Variants in SYTL3 observed in about 807,000 individuals in gnomAD.
SYTL3 encodes synaptotagmin-like protein 3.
SYTL3 carries 88 observed loss-of-function variants against 82.1 expected under a neutral mutation model. The ratio of observed to expected loss-of-function variants is 1.07; its 90% CI spans 0.90 to 1.28. The LOEUF (loss-of-function observed/expected upper bound fraction) is 1.28. SYTL3 is among the 50% of genes most tolerant of loss of function. The probability of loss-of-function intolerance (pLI) is 0.00; values close to 1 mark genes in which losing one functional copy is unlikely to be tolerated. For synonymous variants in SYTL3, 311 were observed against 289.4 expected (o/e 1.07, Z -0.76); for missense variants, 831 against 757.6 (o/e 1.10, Z -1.14).
chr6:158,686,397 G>A (rs1050709041), intron 6 of SYTL3, among the ~76,000 whole-genome samples: 1 of 152,060 alleles, frequency 6.6e-6, no homozygotes, highest in Non-Finnish European at 1.5e-5. Context: ...AAATGCCAGG[G>A]TGCCTCATTT....
rs760042727 is a variant in SYTL3 at position 158,665,503 on chromosome 6, G to C, written c.219G>C (p.Leu73=). 5 of 1,599,634 alleles carry C rather than the reference G, an allele frequency of 3.1e-6. No homozygotes were observed. The Admixed American group carries it at 7.0e-5, about 22-fold the overall frequency. ...CARCQQVLGF[L]LHRGAVCRGC... is the part of the protein sequence containing the mutation. ...GCTGCCAGCAGGTGCTGGGGTTCCT[G>C]CTGCACCGGGGCGCCGTGTGCCGGG... is the stretch of plus-strand genomic sequence containing the variant. The change falls in exon 5 of 18, where the codon CTG becomes CTC. Residue 73 remains leucine (L), a synonymous_variant. Coordinates refer to ENST00000611299, the MANE Select transcript of SYTL3 (RefSeq NM_001242394.2).
intron 8 of SYTL3, among the ~76,000 whole-genome samples, chr6:158,709,614 G>A (rs538238958): frequency 1.3e-5 from 2 of 152,200 alleles, no homozygotes; most frequent in Non-Finnish European, 2.9e-5. Flanking sequence ...TATTGTCTTG[G>A]TTATCTTCAT....
rs375836599 is a variant in SYTL3 at position 158,742,181 on chromosome 6, AAAAT to A, written c.856-3291_856-3288del. ...CAGCAAATAATCCATTATTAGCAAA[AAAAT>A]AAATAAAGCGAGAAATGCCCATTAA... On this transcript the variant is annotated intron_variant, in intron 11 of 17. Transcript: ENST00000611299. 1.4e-3 allele frequency among the ~76,000 whole-genome samples: 213 copies of A among 152,292 alleles called. 1 individual carries two copies. The highest frequency in any genetic ancestry group is 4.0e-3 in the African/African-American group (166 of 41,588).
At position 158,702,892 on chromosome 6, in the gene SYTL3, C is replaced by T. The variant is rs570981280; in HGVS notation, c.395-4338C>T. ...ATTGGGGGCCTGGCACAGTGGCTCA[C>T]GCCTGTAATCCCAGCACCTTGGGAG... On this transcript the variant is annotated intron_variant, in intron 6 of 17. Coordinates refer to ENST00000611299, the MANE Select transcript of SYTL3 (RefSeq NM_001242394.2). 7.9e-5 allele frequency among the ~76,000 whole-genome samples: 12 copies of T among 152,148 alleles called. No homozygotes were observed. The South Asian group carries it at 1.5e-3, about 18-fold the overall frequency.
Position 158,651,069 on chromosome 6 carries a change from C to T in SYTL3, c.-726-684C>T, listed in dbSNP as rs182484670. Among the ~76,000 whole-genome samples the T allele has an allele frequency of 3.3e-5, 5 of 152,326 alleles. No homozygotes were observed. In the East Asian group the frequency reaches 9.6e-4, roughly 29 times the overall value. Reference sequence around the variant, plus strand: ...GCATAAGGTTTTGGAGTTAAACAGACCCAGTTTAGAGTGTGAGTTTAGGTA... The same window carrying T: ...GCATAAGGTTTTGGAGTTAAACAGATCCAGTTTAGAGTGTGAGTTTAGGTA... On this transcript the variant is annotated intron_variant, in intron 1 of 17. Coordinates refer to ENST00000611299, the MANE Select transcript of SYTL3 (RefSeq NM_001242394.2).
chr6:158,729,994 T>C (rs1298518172), intron 11 of SYTL3, among the ~76,000 whole-genome samples: 1 of 152,242 alleles, frequency 6.6e-6, no homozygotes, highest in East Asian at 1.9e-4. Flanking sequence ...TTAAGCCCTA[T>C]CCTATGTAGC....
chr6:158,681,785 CT>C (rs1476525789), intron 5 of SYTL3, among the ~76,000 whole-genome samples: 1 of 152,228 alleles, frequency 6.6e-6, no homozygotes, highest in Non-Finnish European at 1.5e-5. Flanking sequence ...TCAGGTAACC[CT>C]GCTCTGTGGG....
chr6:158,670,597 C>T (rs1338178906), intron 5 of SYTL3, among the ~76,000 whole-genome samples: 1 of 151,782 alleles, frequency 6.6e-6, no homozygotes, highest in Non-Finnish European at 1.5e-5. Context: ...GCCTGGCCAA[C>T]ATGGTGAAAC....
At chr6:158,707,344 G>GCGCT in intron 7 of SYTL3, 63 bp downstream of exon 7, 1 of 1,472,628 alleles carries the variant, frequency 6.8e-7, no homozygotes, top group Non-Finnish European at 9.4e-7. Flanking sequence ...AGGACACTCT[G>GCGCT]CAAGAACTTA....
chr6:158,691,368 G>A (rs1779845469), intron 6 of SYTL3, among the ~76,000 whole-genome samples: 1 of 151,340 alleles, frequency 6.6e-6, no homozygotes, highest in Admixed American at 6.6e-5. Context: ...AAAAGTGACT[G>A]TTTAACAGTT....
At chr6:158,727,593 GAA>G (rs960856150) in intron 11 of SYTL3, among the ~76,000 whole-genome samples, 10 of 152,102 alleles carry the variant, frequency 6.6e-5, no homozygotes, top group Non-Finnish European at 1.2e-4. Flanking sequence ...GGCCTGGCCG[GAA>G]AAGTGTTGTG....
intron 11 of SYTL3, among the ~76,000 whole-genome samples, chr6:158,739,994 CTTTTTTTTTT>C (rs35026438): frequency 9.5e-6 from 1 of 105,576 alleles, no homozygotes; most frequent in Non-Finnish European, 1.8e-5. Flanking sequence ...AGGCAACTTA[CTTTTTTTTTT>C]TTTTTTTTTT....
upstream of SYTL3, among the ~76,000 whole-genome samples, chr6:158,645,967 G>A (rs1420554858): frequency 2.0e-5 from 3 of 152,132 alleles, no homozygotes; most frequent in African/African-American, 7.2e-5. Flanking sequence ...TTTCCTCATA[G>A]CACTTCTCTC....
chr6:158,733,617 G>A (rs759574166), intron 11 of SYTL3, among the ~76,000 whole-genome samples: 1 of 151,656 alleles, frequency 6.6e-6, no homozygotes, highest in Non-Finnish European at 1.5e-5. Context: ...GTGAGCCACC[G>A]TGCCCGGCCA....
At position 158,663,685 on chromosome 6, in the gene SYTL3, G is replaced by T. The variant is rs534074132; in HGVS notation, c.110+307G>T. On this transcript the variant is annotated intron_variant, in intron 4 of 17. Transcript: ENST00000611299. Reference sequence around the variant, plus strand: ...GCCGACTTCGTGGGAATCATTCAAGGGACATTTTCAGGCTTCCAGTTTACC... The same window carrying T: ...GCCGACTTCGTGGGAATCATTCAAGTGACATTTTCAGGCTTCCAGTTTACC... The T allele has an allele frequency of 3.4e-6, 3 of 872,118 alleles. No homozygotes were observed. The African/African-American group carries it at 5.5e-5, about 16-fold the overall frequency. 54.0% of individuals were successfully genotyped at this position (872,118 alleles called of 1,614,324 possible).
Position 158,718,319 on chromosome 6 carries a change from A to C in SYTL3, c.720+108A>C, listed in dbSNP as rs925146648. 4.0e-6 allele frequency: 5 copies of C among 1,236,784 alleles called. No individual in the cohort carries two copies. The Admixed American group carries it at 1.7e-4, about 43-fold the overall frequency. 76.6% of individuals were successfully genotyped at this position (1,236,784 alleles called of 1,614,324 possible). On this transcript the variant is annotated intron_variant, in intron 10 of 17. Transcript: ENST00000611299. ...TTATGTTTTCTTTGGTTTTATAGAA[A>C]AACAGTAAGCCATCAGAAAAACATA... is the stretch of plus-strand genomic sequence containing the variant.
intron 5 of SYTL3, 113 bp from the exon 6 acceptor site, chr6:158,682,812 G>A: frequency 1.4e-6 from 1 of 711,770 alleles, no homozygotes; most frequent in Non-Finnish European, 2.4e-6. Context: ...ATTGATTGCT[G>A]AGGTCCATTG....
At chr6:158,674,861 T>C (rs1160063363) in intron 5 of SYTL3, among the ~76,000 whole-genome samples, 3 of 152,114 alleles carry the variant, frequency 2.0e-5, no homozygotes, top group African/African-American at 7.2e-5. Flanking sequence ...AAAATGGGTG[T>C]GTATCCTCTG....
intron 6 of SYTL3, among the ~76,000 whole-genome samples, chr6:158,705,405 G>A (rs13194775): frequency 4.3e-4 from 49 of 114,964 alleles, no homozygotes; most frequent in Admixed American, 9.9e-4. Context: ...GTAAGGCCAC[G>A]TAGGACAGGA....
Sources: gnomAD v4.1 joint callset for allele counts (sites outside exome capture counted in the v4.1 genomes callset) on GRCh38, gnomAD v4.1.1 for gene constraint, MANE v1.5 for transcripts, NCBI Gene and HGNC (gene_info 2026-07-23, HGNC 2026-07-21) for gene names.